IL13RA2: variants seen among roughly 807,000 people sequenced by gnomAD.
The protein encoded by IL13RA2 is interleukin-13 receptor subunit alpha-2.
Under a neutral mutation model 34.1 loss-of-function variants are expected in IL13RA2, and 25 were observed. The ratio of observed to expected loss-of-function variants is 0.73; its 90% CI spans 0.53 to 1.03. IL13RA2 has a LOEUF of 1.03. IL13RA2 is among the 50% of genes least tolerant of loss of function. The pLI, the probability that IL13RA2 is intolerant of heterozygous loss-of-function variation, is 0.00. For synonymous variants in IL13RA2, 106 were observed against 100.4 expected (o/e 1.06, Z -0.33); for missense variants, 297 against 280.9 (o/e 1.06, Z -0.41).
chrX:115,005,160 A>G (rs782091102), intron 9 of IL13RA2, 37 bp downstream of exon 9: 13 of 646,320 alleles, frequency 2.0e-5, no homozygotes, highest in African/African-American at 4.3e-5. Context: ...AAAATCTCCT[A>G]TTCTCAGGCT....
At chrX:115,007,395 T>G (rs1556507887) in intron 8 of IL13RA2, among the ~76,000 whole-genome samples, 1 of 112,466 alleles carries the variant, frequency 8.9e-6, no homozygotes, top group African/African-American at 3.2e-5. Context: ...TGAAGCACAA[T>G]CACATTTTAC....
intron 2 of IL13RA2, 93 bp downstream of exon 2, chrX:115,017,083 T>C (rs1359910766): frequency 1.1e-5 from 6 of 541,820 alleles, no homozygotes; most frequent in Non-Finnish European, 1.9e-5. Context: ...TGCACTTCCA[T>C]AAGGCAGGTC....
At chrX:115,008,879 T>C (rs905104548) in intron 7 of IL13RA2, among the ~76,000 whole-genome samples, 6 of 112,098 alleles carry the variant, frequency 5.4e-5, no homozygotes, top group Admixed American at 9.5e-5. Flanking sequence ...ATAATTTGAT[T>C]GTAAGTGAAT....
intron 1 of IL13RA2, 109 bp downstream of exon 1, chrX:115,017,444 C>G (rs781896362): frequency 2.6e-6 from 1 of 388,299 alleles, no homozygotes; most frequent in African/African-American, 2.7e-5. Context: ...ACCATGGAAA[C>G]AGAAATAATC....
At chrX:115,004,804 G>A (rs2071678429) in intron 9 of IL13RA2, among the ~76,000 whole-genome samples, 2 of 112,117 alleles carry the variant, frequency 1.8e-5, no homozygotes, top group Non-Finnish European at 3.8e-5. Flanking sequence ...CAGGCACCAT[G>A]CTTTATCATT....
In IL13RA2 at chrX:115,013,875, T is replaced by C. The variant is rs782240465; in HGVS notation, c.415A>G (p.Lys139Glu). 1.1e-5 allele frequency: 11 copies of C among 1,045,722 alleles called. No homozygotes were observed. Among genetic ancestry groups the C allele is most frequent in the Non-Finnish European group, 1.5e-5 (11 of 746,451 alleles). The allele number at this position is 1,045,722 out of a possible 1,213,427, so 86.2% of individuals were successfully genotyped here. A position where few individuals can be genotyped will look rare whatever the true frequency, so the allele number is the denominator to read the frequency against. The part of the protein sequence containing the change: ...WISPQGIPET[K>E]VQDMDCVYYN... ...TATACGCAATCCATATCCTGAACTT[T>C]AGTTTCTGGAATTCCTAAGGAACAA... Residue 139 changes from lysine (K) to glutamate (E), a missense_variant, in exon 5 of 10, where the codon AAA (lysine) becomes GAA (glutamate). Coordinates refer to ENST00000243213, the MANE Select transcript of IL13RA2 (RefSeq NM_000640.3).
intron 5 of IL13RA2, among the ~76,000 whole-genome samples, chrX:115,012,937 A>G (rs2071712005): frequency 1.8e-5 from 2 of 111,793 alleles, no homozygotes; most frequent in South Asian, 7.5e-4. Flanking sequence ...GGTAATGCAA[A>G]CAAAGGTATA....
intron 2 of IL13RA2, among the ~76,000 whole-genome samples, chrX:115,016,948 A>T (rs1386054198): frequency 9.0e-6 from 1 of 110,542 alleles, no homozygotes; most frequent in African/African-American, 3.3e-5. Flanking sequence ...TTAATTTGGC[A>T]TTTATCGCAC....
intron 9 of IL13RA2, 117 bp downstream of exon 9, chrX:115,005,080 T>C (rs1481188120): frequency 6.2e-6 from 3 of 484,471 alleles, no homozygotes; most frequent in African/African-American, 2.4e-5. Flanking sequence ...ACGGAATCAA[T>C]TGTACACCCA....
At chrX:115,006,020 C>T (rs1468447230) in intron 8 of IL13RA2, among the ~76,000 whole-genome samples, 11 of 111,962 alleles carry the variant, frequency 9.8e-5, no homozygotes, top group African/African-American at 3.6e-4. Flanking sequence ...CTTAGCCACG[C>T]ATCTACAAAG....
chrX:115,016,097 C>A (rs782011178), intron 2 of IL13RA2, among the ~76,000 whole-genome samples: 1 of 111,187 alleles, frequency 9.0e-6, no homozygotes, highest in South Asian at 3.8e-4. Context: ...TCAAAATAGA[C>A]AAATTCATAG....
At chrX:115,014,279 C>T in intron 4 of IL13RA2, 142 bp downstream of exon 4, 4 of 482,100 alleles carry the variant, frequency 8.3e-6, no homozygotes. Flanking sequence ...AGGCTAATCA[C>T]CAACTACAAG....
At chrX:115,016,392 G>T (rs1556510033) in intron 2 of IL13RA2, among the ~76,000 whole-genome samples, 1 of 110,369 alleles carries the variant, frequency 9.1e-6, no homozygotes, top group East Asian at 2.8e-4. Context: ...CTATATAGTT[G>T]TTCCTTCTTT....
intron 8 of IL13RA2, among the ~76,000 whole-genome samples, chrX:115,006,999 A>G (rs782818118): frequency 5.4e-5 from 6 of 111,922 alleles, no homozygotes; most frequent in African/African-American, 1.9e-4. Flanking sequence ...GTGATTATAT[A>G]ATCTATTAGG....
intron 7 of IL13RA2, among the ~76,000 whole-genome samples, chrX:115,008,621 T>C (rs2071693952): frequency 8.9e-6 from 1 of 112,078 alleles, no homozygotes; most frequent in African/African-American, 3.2e-5. Flanking sequence ...AAACAAAACC[T>C]GTATAACAGT....
chrX:115,013,365 G>A (rs782807589), intron 5 of IL13RA2, among the ~76,000 whole-genome samples: 1 of 111,065 alleles, frequency 9.0e-6, no homozygotes, highest in East Asian at 2.8e-4. Context: ...GAAGATACAC[G>A]AGTCACAATG....
intron 2 of IL13RA2, among the ~76,000 whole-genome samples, chrX:115,016,895 A>G (rs2071730228): frequency 9.1e-6 from 1 of 110,265 alleles, no homozygotes; most frequent in African/African-American, 3.3e-5. Context: ...TCAGATACTT[A>G]ATCTGTTAAA....
intron 8 of IL13RA2, among the ~76,000 whole-genome samples, chrX:115,006,767 G>T (rs2071686916): frequency 8.9e-6 from 1 of 112,009 alleles, no homozygotes; most frequent in Non-Finnish European, 1.9e-5. Context: ...ATACAGAAAA[G>T]AATATATTTT....
In IL13RA2 at chrX:115,015,737, T is replaced by C. The variant is rs2071724456; in HGVS notation, c.179A>G (p.Asp60Gly). The change falls in exon 3 of 10, where the codon GAT becomes GGT. Residue 60 changes from aspartate (D) to glycine (G), a missense_variant. Physicochemically the swap from Asp to Gly is moderately conservative, Grantham distance 94 (BLOSUM62 -1). Transcript: ENST00000243213. ...TTCCACTGTGCATTCCTTAAAATGA[T>C]CCAGAGACAGTGGGGGTTGCCATTG... Reference protein sequence around the residue: ...YLQWQPPLSLDHFKECTVEYE... With the variant: ...YLQWQPPLSLGHFKECTVEYE... The C allele has an allele frequency of 1.7e-6, 2 of 1,191,538 alleles. No homozygotes were observed. Among genetic ancestry groups the C allele is most frequent in the African/African-American group, 3.5e-5 (2 of 56,860 alleles).
Sources: gnomAD v4.1 joint callset for allele counts (sites outside exome capture counted in the v4.1 genomes callset) on GRCh38, gnomAD v4.1.1 for gene constraint, MANE v1.5 for transcripts, NCBI Gene and HGNC (gene_info 2026-07-23, HGNC 2026-07-21) for gene names.